The following SMIM14 variants were observed in gnomAD, a reference collection of about 807,000 sequenced individuals.
The protein encoded by SMIM14 is chromosome 4 open reading frame 34.
A neutral mutation model predicts 12.6 loss-of-function variants in SMIM14; 5 were observed. The ratio of observed to expected loss-of-function variants is 0.40; its 90% confidence interval spans 0.21 to 0.83. The LOEUF (loss-of-function observed/expected upper bound fraction) is 0.83. SMIM14 is among the 40% of genes least tolerant of loss of function. The probability of loss-of-function intolerance (pLI) is 0.37; values close to 1 mark genes in which losing one functional copy is unlikely to be tolerated. For missense variants in SMIM14, 86 were observed against 119.1 expected (o/e 0.72, Z 1.29); for synonymous variants, 30 against 40.1 (o/e 0.75, Z 0.95).
chr4:39,580,223 C>T (rs1359031016), intron 2 of SMIM14, among the ~76,000 whole-genome samples: 3 of 152,028 alleles, frequency 2.0e-5, no homozygotes, highest in South Asian at 4.2e-4. Flanking sequence ...CTCTGTCACC[C>T]GAGCTAGTGT....
intron 3 of SMIM14, among the ~76,000 whole-genome samples, chr4:39,564,176 T>C (rs890436975): frequency 6.6e-6 from 1 of 152,232 alleles, no homozygotes; most frequent in South Asian, 2.1e-4. Context: ...TAAACTTATA[T>C]AGGTTTCCGC....
intron 3 of SMIM14, among the ~76,000 whole-genome samples, chr4:39,564,789 G>A (rs1449454117): frequency 2.0e-5 from 3 of 152,198 alleles, no homozygotes; most frequent in Non-Finnish European, 4.4e-5. Context: ...GAGATTATCC[G>A]AAAGAAGCAC....
Position 39,556,436 on chromosome 4 carries a change from G to C in SMIM14, c.259C>G (p.Pro87Ala). ...GSSLPGKPTS[P>A]HNGQDPPAPP... ...AAATCTGCAACACTTACATTATGAGGACTGGTTGGCTTTCCAGGTAGGCTG... is the reference window on the plus strand; with the variant it reads ...AAATCTGCAACACTTACATTATGAGCACTGGTTGGCTTTCCAGGTAGGCTG... Residue 87 changes from proline (P) to alanine (A), a missense_variant, in exon 4 of 5, where the codon CCT (proline) becomes GCT (alanine). Coordinates refer to ENST00000295958, the MANE Select transcript of SMIM14 (RefSeq NM_174921.3). 6.2e-7 allele frequency: 1 copy of C among 1,611,850 alleles called. No individual in the cohort carries two copies. The highest frequency in any genetic ancestry group is 8.5e-7 in the Non-Finnish European group (1 of 1,179,406).
At chr4:39,572,606 G>A in intron 2 of SMIM14, 143 bp from the exon 3 acceptor site, 1 of 657,098 alleles carries the variant, frequency 1.5e-6, no homozygotes, top group South Asian at 1.6e-5. Flanking sequence ...TGGATTGTTT[G>A]AGCTCAGACA....
chr4:39,607,207 G>A (rs1327879944), intron 1 of SMIM14, among the ~76,000 whole-genome samples: 3 of 152,108 alleles, frequency 2.0e-5, no homozygotes, highest in African/African-American at 7.2e-5. Flanking sequence ...TCTAATATAT[G>A]TGAATTGTGG....
chr4:39,622,378 G>A (rs554438350), intron 1 of SMIM14, among the ~76,000 whole-genome samples: 5 of 151,036 alleles, frequency 3.3e-5, no homozygotes, highest in South Asian at 4.2e-4. Context: ...CACCGCGCCC[G>A]GCCACAAATG....
chr4:39,625,106 T>C (rs1715644663), intron 1 of SMIM14, among the ~76,000 whole-genome samples: 1 of 150,714 alleles, frequency 6.6e-6, no homozygotes, highest in Admixed American at 6.6e-5. Context: ...TAATCCCAGC[T>C]ACTCGGGAGG....
chr4:39,599,828 A>G (rs1482020174), intron 2 of SMIM14, among the ~76,000 whole-genome samples: 1 of 151,904 alleles, frequency 6.6e-6, no homozygotes, highest in Non-Finnish European at 1.5e-5. Context: ...AGGCTGAGGC[A>G]GGAAAATTGC....
At chr4:39,604,715 A>G (rs1714740858) in intron 2 of SMIM14, among the ~76,000 whole-genome samples, 1 of 151,412 alleles carries the variant, frequency 6.6e-6, no homozygotes. Flanking sequence ...GGTTCAAGCA[A>G]TTCTCGTGTC....
In SMIM14 at chr4:39,623,515, A is replaced by G. The variant is rs55839207; in HGVS notation, c.-36+15224T>C. ...GATTTATAATAAAATTACTTTTCACATAGCCAGCCAAATCTTCACAGTGAT... is the reference window on the plus strand; with the variant it reads ...GATTTATAATAAAATTACTTTTCACGTAGCCAGCCAAATCTTCACAGTGAT... On this transcript the variant is annotated intron_variant, in intron 1 of 4. Transcript: ENST00000295958. Among the ~76,000 whole-genome samples, 730 of 152,328 alleles carry G rather than the reference A, an allele frequency of 4.8e-3. 4 individuals carry two copies. Among genetic ancestry groups the G allele is most frequent in the Non-Finnish European group, 7.5e-3 (507 of 68,034 alleles).
chr4:39,635,114 T>C (rs1397191508), intron 1 of SMIM14, among the ~76,000 whole-genome samples: 1 of 152,142 alleles, frequency 6.6e-6, no homozygotes, highest in Admixed American at 6.5e-5. Flanking sequence ...AATAACACAA[T>C]GGTATCAACC....
chr4:39,628,726 T>C (rs1450827599), intron 1 of SMIM14, among the ~76,000 whole-genome samples: 3 of 150,830 alleles, frequency 2.0e-5, no homozygotes, highest in African/African-American at 4.9e-5. Context: ...TTTTCTTTTT[T>C]TTTTTTTTTC....
chr4:39,579,560 C>T (rs1713386716), intron 2 of SMIM14, among the ~76,000 whole-genome samples: 1 of 151,812 alleles, frequency 6.6e-6, no homozygotes, highest in South Asian at 2.1e-4. Context: ...AAAGCCTTGG[C>T]AGGCCGGGAA....
chr4:39,563,550 G>A (rs1712426352), intron 3 of SMIM14, among the ~76,000 whole-genome samples: 1 of 152,218 alleles, frequency 6.6e-6, no homozygotes, highest in Non-Finnish European at 1.5e-5. Context: ...ACAGTTGAAT[G>A]CGAACTTGTC....
chr4:39,628,551 C>A (rs369284968), intron 1 of SMIM14, among the ~76,000 whole-genome samples: 1 of 149,226 alleles, frequency 6.7e-6, no homozygotes, highest in Non-Finnish European at 1.5e-5. Context: ...TAGTGGCACA[C>A]GCGTAGTCCC....
intron 2 of SMIM14, chr4:39,594,261 T>C (rs975506723): frequency 6.6e-6 from 1 of 152,178 alleles, no homozygotes; most frequent in Non-Finnish European, 1.5e-5. Flanking sequence ...TATCTACAAC[T>C]GTCTGATCTT....
intron 2 of SMIM14, among the ~76,000 whole-genome samples, chr4:39,599,937 A>C (rs151110466): frequency 0.12 from 17,765 of 149,658 alleles, 1,452 homozygotes; most frequent in South Asian, 0.31. Context: ...CAACAACAAA[A>C]AAAAAAAAAA....
chr4:39,553,643 G>GC (rs1711851078), intron 4 of SMIM14, among the ~76,000 whole-genome samples: 1 of 150,868 alleles, frequency 6.6e-6, no homozygotes, highest in Admixed American at 6.6e-5. Context: ...GCCCAGGCTG[G>GC]AGTGCAATGG....
chr4:39,621,587 C>T (rs572613823), intron 1 of SMIM14, among the ~76,000 whole-genome samples: 1 of 151,028 alleles, frequency 6.6e-6, no homozygotes, highest in African/African-American at 2.4e-5. Flanking sequence ...GTTATCATGG[C>T]TTTAAAGTAG....
Sources: gnomAD v4.1 joint callset for allele counts (sites outside exome capture counted in the v4.1 genomes callset) on GRCh38, gnomAD v4.1.1 for gene constraint, MANE v1.5 for transcripts, NCBI Gene and HGNC (gene_info 2026-07-23, HGNC 2026-07-21) for gene names.